GUCY1A1: variants seen among roughly 807,000 people sequenced by gnomAD.
GUCY1A1 encodes guanylate cyclase soluble subunit alpha-1.
In GUCY1A1, 48 loss-of-function variants were observed where a neutral mutation model predicts 64.5. That is an observed-to-expected ratio of 0.74 (90% CI 0.59 to 0.95). The LOEUF (loss-of-function observed/expected upper bound fraction) is 0.95. Among genes scored for constraint, GUCY1A1 ranks in the 40% least tolerant of loss-of-function variants. The pLI, the probability that GUCY1A1 is intolerant of heterozygous loss-of-function variation, is 0.00. For synonymous variants in GUCY1A1, 308 were observed against 303.4 expected (o/e 1.02, Z -0.16); for missense variants, 804 against 825.3 (o/e 0.97, Z 0.32).
At chr4:155,710,460 G>A (rs377559752) in intron 5 of GUCY1A1, 82 bp from the exon 6 acceptor site, 681 of 846,458 alleles carry the variant, frequency 8.0e-4, no homozygotes, top group Non-Finnish European at 1.1e-3. Context: ...AGCAAATAAC[G>A]CAAGTTGAAA....
chr4:155,686,210 T>C (rs1728979817), intron 2 of GUCY1A1, among the ~76,000 whole-genome samples: 1 of 152,160 alleles, frequency 6.6e-6, no homozygotes, highest in Admixed American at 6.5e-5. Context: ...GCGTGATGGC[T>C]CATACCTGTA....
chr4:155,695,370 C>A (rs1488477554), intron 2 of GUCY1A1, among the ~76,000 whole-genome samples: 1 of 151,874 alleles, frequency 6.6e-6, no homozygotes, highest in Admixed American at 6.6e-5. Context: ...CCTAATTGAA[C>A]TTCAACTCTA....
chr4:155,721,440 A>G (rs1733946174), intron 8 of GUCY1A1, among the ~76,000 whole-genome samples: 1 of 152,106 alleles, frequency 6.6e-6, no homozygotes, highest in Non-Finnish European at 1.5e-5. Flanking sequence ...AGACATTGTC[A>G]TCGTCATTGG....
At chr4:155,677,429 A>T (rs897761482) in intron 2 of GUCY1A1, among the ~76,000 whole-genome samples, 1 of 152,194 alleles carries the variant, frequency 6.6e-6, no homozygotes, top group African/African-American at 2.4e-5. Context: ...ATCACCACTG[A>T]TCTCATCAGG....
intron 7 of GUCY1A1, among the ~76,000 whole-genome samples, chr4:155,716,115 G>A (rs1733200235): frequency 1.3e-5 from 2 of 152,058 alleles, no homozygotes; most frequent in African/African-American, 4.8e-5. Flanking sequence ...AAAGGATAAT[G>A]GAAGGCAGTG....
At chr4:155,667,146 C>A (rs1002437962) in intron 1 of GUCY1A1, 181 bp downstream of exon 1, 1 of 152,358 alleles carries the variant, frequency 6.6e-6, no homozygotes, top group Admixed American at 6.5e-5. Context: ...CTGGGAGCCA[C>A]GCGGGCGATA....
intron 2 of GUCY1A1, among the ~76,000 whole-genome samples, chr4:155,679,470 A>G (rs1396240922): frequency 6.6e-6 from 1 of 152,162 alleles, no homozygotes; most frequent in Non-Finnish European, 1.5e-5. Context: ...GGTGAAGGGG[A>G]GCCAGCGTGT....
At chr4:155,694,686 C>T (rs902310077) in intron 2 of GUCY1A1, among the ~76,000 whole-genome samples, 3 of 152,170 alleles carry the variant, frequency 2.0e-5, no homozygotes, top group Admixed American at 6.6e-5. Context: ...GGGTTGAATA[C>T]TTGCAATAAA....
At chr4:155,711,729 A>T (rs1732599053) in intron 6 of GUCY1A1, among the ~76,000 whole-genome samples, 1 of 152,170 alleles carries the variant, frequency 6.6e-6, no homozygotes, top group African/African-American at 2.4e-5. Context: ...CTGTCATCTC[A>T]TGGTAGAGAG....
At chr4:155,717,682 A>T (rs1733443397) in intron 8 of GUCY1A1, among the ~76,000 whole-genome samples, 1 of 152,190 alleles carries the variant, frequency 6.6e-6, no homozygotes, top group Admixed American at 6.6e-5. Context: ...GGAAACTGCC[A>T]TGTTCAGAAA....
chr4:155,736,022 TC>T lies in GUCY1A1; in HGVS notation c.*5793del, dbSNP rs1736020674. 1 of 151,972 alleles carries T rather than the reference TC, an allele frequency of 6.6e-6. No individual in the cohort carries two copies. The highest frequency in any genetic ancestry group is 2.4e-5 in the African/African-American group (1 of 41,420). The allele number at this position is 151,972 out of a possible 1,614,324, so 9.4% of individuals were successfully genotyped here. ...GTATTAGTATTTGAGAATTTACTAT[TC>T]CTTCACCTCCTTGCACATGTAAATT... On this transcript the variant is annotated 3_prime_UTR_variant, in exon 10 of 10. Coordinates refer to ENST00000506455, the MANE Select transcript of GUCY1A1 (RefSeq NM_001130682.3).
chr4:155,693,833 G>A (rs78437891), intron 2 of GUCY1A1, among the ~76,000 whole-genome samples: 2,177 of 152,208 alleles, frequency 0.014, 56 homozygotes, highest in African/African-American at 0.05. Flanking sequence ...TACTGCAGCT[G>A]GATTCAGTAG....
At chr4:155,690,776 C>G (rs767532069) in intron 2 of GUCY1A1, among the ~76,000 whole-genome samples, 90 of 152,254 alleles carry the variant, frequency 5.9e-4, no homozygotes, top group Non-Finnish European at 1.0e-3. Flanking sequence ...GCAGCAGAGG[C>G]CACCCTTGGA....
chr4:155,700,692 T>G (rs553272388), intron 3 of GUCY1A1, among the ~76,000 whole-genome samples: 164 of 152,268 alleles, frequency 1.1e-3, no homozygotes, highest in South Asian at 2.3e-3. Context: ...CCTCTGTGAA[T>G]CAGAAAGTCC....
At chr4:155,717,738 T>C (rs1464104439) in intron 8 of GUCY1A1, among the ~76,000 whole-genome samples, 1 of 152,148 alleles carries the variant, frequency 6.6e-6, no homozygotes, top group Non-Finnish European at 1.5e-5. Context: ...ATCAGCAAGA[T>C]GGCAATCCTG....
intron 8 of GUCY1A1, among the ~76,000 whole-genome samples, chr4:155,721,608 G>A (rs557001614): frequency 6.6e-6 from 1 of 152,214 alleles, no homozygotes; most frequent in African/African-American, 2.4e-5. Context: ...TATCCTTAGA[G>A]CTAGCTTCAT....
intron 2 of GUCY1A1, among the ~76,000 whole-genome samples, chr4:155,670,853 G>C (rs764925221): frequency 1.3e-5 from 2 of 152,104 alleles, no homozygotes; most frequent in Non-Finnish European, 2.9e-5. Context: ...GAATTAGCAG[G>C]AAGTCGACAC....
At chr4:155,727,025 A>G (rs534907025) in intron 9 of GUCY1A1, among the ~76,000 whole-genome samples, 1 of 152,120 alleles carries the variant, frequency 6.6e-6, no homozygotes, top group Admixed American at 6.6e-5. Flanking sequence ...GTCTGAGCAC[A>G]TTGTGCTAGA....
rs761897078 is a variant in GUCY1A1, at chr4:155,711,100, G to C, written c.935G>C (p.Arg312Thr). 4 of 1,613,548 alleles carry C rather than the reference G, an allele frequency of 2.5e-6. No homozygotes were observed. The African/African-American group carries it at 4.0e-5, about 16-fold the overall frequency. The change falls in exon 6 of 10, where the codon AGA (arginine) becomes ACA (threonine). Residue 312 changes from arginine to threonine, a missense_variant. Physicochemically the swap from Arg to Thr is moderately conservative, Grantham distance 71. Coordinates refer to ENST00000506455, the MANE Select transcript of GUCY1A1 (RefSeq NM_001130682.3). ...GNGIRRLMNR[R>T]DFQGKPNFEE... is the part of the protein sequence containing the mutation. Reference sequence around the variant, plus strand: ...GGCATCAGAAGGCTGATGAACAGGAGAGACTTTCAAGGAAAGCCTAATTTT... The same window carrying C: ...GGCATCAGAAGGCTGATGAACAGGACAGACTTTCAAGGAAAGCCTAATTTT...
Sources: gnomAD v4.1 joint callset for allele counts (sites outside exome capture counted in the v4.1 genomes callset) on GRCh38, gnomAD v4.1.1 for gene constraint, MANE v1.5 for transcripts, NCBI Gene and HGNC (gene_info 2026-07-23, HGNC 2026-07-21) for gene names.